The following MAMLD1 variants were observed in gnomAD, a reference collection of about 807,000 sequenced individuals.
The protein encoded by MAMLD1 is mastermind-like domain-containing protein 1.
Under a neutral mutation model 45.0 loss-of-function variants are expected in MAMLD1, and 14 were observed. The ratio of observed to expected loss-of-function variants is 0.31; its 90% CI spans 0.21 to 0.49. The LOEUF is 0.49. Among genes scored for constraint, MAMLD1 ranks in the 20% least tolerant of loss-of-function variants. The pLI is 0.99. For missense variants in MAMLD1, 543 were observed against 603.6 expected (o/e 0.90, Z 1.05); for synonymous variants, 254 against 247.8 (o/e 1.02, Z -0.24).
At chrX:150,489,433 G>A (rs1263091596) in intron 5 of MAMLD1, among the ~76,000 whole-genome samples, 3 of 109,787 alleles carry the variant, frequency 2.7e-5, no homozygotes, top group Non-Finnish European at 3.8e-5. Context: ...TCTCATTCAG[G>A]AGAGCTCCAC....
chrX:150,391,537 C>A (rs1453292489), intron 1 of MAMLD1, among the ~76,000 whole-genome samples: 2 of 111,541 alleles, frequency 1.8e-5, no homozygotes, highest in African/African-American at 6.5e-5. Context: ...TTTTTCAGTT[C>A]TTTAATATCC....
Position 150,470,581 on chromosome X carries a change from C to T in MAMLD1, c.1008C>T (p.Leu336=). 1 of 1,211,845 alleles carries T rather than the reference C, an allele frequency of 8.3e-7. No homozygotes were observed. Among genetic ancestry groups the T allele is most frequent in the East Asian group, 3.0e-5 (1 of 33,843 alleles). ...GGTCTGGTCTGCCTCCTCCAGGACT[C>T]TCTCCACCTTACCGCCCAGTGCCAT... is the stretch of plus-strand genomic sequence containing the variant. ...PSWSGLPPPG[L]SPPYRPVPSP... The change falls in exon 4 of 8, where the codon CTC becomes CTT. Residue 336 remains leucine, a synonymous_variant. Coordinates refer to ENST00000370401, the MANE Select transcript of MAMLD1 (RefSeq NM_005491.5).
intron 1 of MAMLD1, among the ~76,000 whole-genome samples, chrX:150,368,210 C>G (rs1484100291): frequency 9.0e-6 from 1 of 111,038 alleles, no homozygotes; most frequent in Non-Finnish European, 1.9e-5. Flanking sequence ...TCCACATCCT[C>G]TCCAGCACCT....
intron 1 of MAMLD1, among the ~76,000 whole-genome samples, chrX:150,372,004 T>C (rs2032029357): frequency 8.9e-6 from 1 of 112,094 alleles, no homozygotes; most frequent in African/African-American, 3.2e-5. Flanking sequence ...TGGTCTCTAG[T>C]TCTCAGTCAA....
rs782409752 is a variant in MAMLD1 at position 150,512,472 on chromosome X, G to T, written c.*513G>T. 2.0e-5 allele frequency: 23 copies of T among 1,154,911 alleles called. No individual in the cohort carries two copies. In the African/African-American group the frequency reaches 3.9e-4, roughly 20 times the overall value. ...GCAGTTTCGGGGAAAACACCCCTCA[G>T]CCAAGTGGATAATAGCGTTCAGCAG... On this transcript the variant is annotated 3_prime_UTR_variant, in exon 8 of 8. Transcript: ENST00000370401.
chrX:150,365,970 A>G lies in MAMLD1; in HGVS notation c.-64+2440A>G, dbSNP rs782408251. 5.3e-4 allele frequency among the ~76,000 whole-genome samples: 60 copies of G among 112,786 alleles called. No individual in the cohort carries two copies. In the South Asian group the frequency reaches 0.022, roughly 41 times the overall value. On this transcript the variant is annotated intron_variant, in intron 1 of 7. Coordinates refer to ENST00000370401, the MANE Select transcript of MAMLD1 (RefSeq NM_005491.5). Reference sequence around the variant, plus strand: ...GGGCTTGCACTGAGGAATGTCAAATATAATGTTAGAAGTAACCTTTCGCCA... The same window carrying G: ...GGGCTTGCACTGAGGAATGTCAAATGTAATGTTAGAAGTAACCTTTCGCCA...
At chrX:150,469,602 A>C in intron 3 of MAMLD1, 143 bp from the exon 4 acceptor site, 3 of 458,429 alleles carry the variant, frequency 6.5e-6, no homozygotes, top group Non-Finnish European at 3.6e-6. Flanking sequence ...CCTTTATAAA[A>C]ATTCCTCTCT....
chrX:150,446,478 C>T (rs1207261203), intron 2 of MAMLD1, among the ~76,000 whole-genome samples: 2 of 112,167 alleles, frequency 1.8e-5, no homozygotes, highest in African/African-American at 6.5e-5. Flanking sequence ...CAGGGCAATC[C>T]ACTTTCAGCA....
intron 2 of MAMLD1, among the ~76,000 whole-genome samples, chrX:150,460,111 G>C (rs1557405534): frequency 8.9e-6 from 1 of 112,658 alleles, no homozygotes; most frequent in Non-Finnish European, 1.9e-5. Context: ...TGTGTCTTGT[G>C]ATTCCAGGAG....
intron 5 of MAMLD1, among the ~76,000 whole-genome samples, chrX:150,480,302 C>A (rs782287092): frequency 8.9e-6 from 1 of 112,274 alleles, no homozygotes; most frequent in South Asian, 3.7e-4. Context: ...CACCCTGCTC[C>A]CAGATCCAAA....
chrX:150,504,056 T>A (rs989256345), intron 6 of MAMLD1: 24 of 752,516 alleles, frequency 3.2e-5, no homozygotes, highest in Non-Finnish European at 9.4e-6. Context: ...GAAGTTGGAT[T>A]GCCCTGCTGG....
chrX:150,466,509 A>T (rs1313818233), intron 3 of MAMLD1, among the ~76,000 whole-genome samples: 2 of 112,165 alleles, frequency 1.8e-5, no homozygotes, highest in African/African-American at 6.5e-5. Flanking sequence ...ACCCCTGAGA[A>T]AAGCCAGGTG....
intron 1 of MAMLD1, among the ~76,000 whole-genome samples, chrX:150,434,669 C>T (rs1265507216): frequency 9.8e-5 from 11 of 112,207 alleles, no homozygotes; most frequent in African/African-American, 3.6e-4. Context: ...TCATTATTTA[C>T]TCAGAAGTCA....
At chrX:150,439,310 C>A (rs782334182) in intron 1 of MAMLD1, among the ~76,000 whole-genome samples, 1 of 111,775 alleles carries the variant, frequency 8.9e-6, no homozygotes, top group South Asian at 3.7e-4. Flanking sequence ...TTCTTGATAA[C>A]GTCCTTTGAT....
intron 6 of MAMLD1, among the ~76,000 whole-genome samples, chrX:150,508,448 A>G (rs2037800887): frequency 9.4e-6 from 1 of 106,765 alleles, no homozygotes; most frequent in East Asian, 3.2e-4. Context: ...CACTGCCCAC[A>G]CGGCAGCTCC....
chrX:150,370,756 G>A (rs995450060), intron 1 of MAMLD1, among the ~76,000 whole-genome samples: 4 of 111,235 alleles, frequency 3.6e-5, no homozygotes, highest in African/African-American at 9.8e-5. Context: ...TTCAAACCTC[G>A]AGTTTTCTCC....
At chrX:150,416,997 T>TTTTC (rs1366084033) in intron 1 of MAMLD1, among the ~76,000 whole-genome samples, 11 of 110,730 alleles carry the variant, frequency 9.9e-5, no homozygotes, top group Non-Finnish European at 1.9e-4. Flanking sequence ...ACATAGTCTT[T>TTTTC]TTTCTTTCTT....
intron 1 of MAMLD1, among the ~76,000 whole-genome samples, chrX:150,437,693 A>G (rs782360792): frequency 4.5e-5 from 5 of 112,191 alleles, no homozygotes; most frequent in African/African-American, 1.6e-4. Context: ...ATACAGATAG[A>G]TGCTATGTAC....
At chrX:150,374,857 G>A (rs1203234032) in intron 1 of MAMLD1, among the ~76,000 whole-genome samples, 5 of 111,438 alleles carry the variant, frequency 4.5e-5, no homozygotes, top group Non-Finnish European at 9.4e-5. Context: ...CGGTCACACC[G>A]GGCATGAGAA....
Sources: gnomAD v4.1 joint callset for allele counts (sites outside exome capture counted in the v4.1 genomes callset) on GRCh38, gnomAD v4.1.1 for gene constraint, MANE v1.5 for transcripts, NCBI Gene and HGNC (gene_info 2026-07-23, HGNC 2026-07-21) for gene names.